The following CDYL variants were observed in gnomAD, a reference collection of about 807,000 sequenced individuals.
CDYL encodes the protein chromodomain Y like.
Under a neutral mutation model 47.3 loss-of-function variants are expected in CDYL, and 8 were observed. The ratio of observed to expected loss-of-function variants is 0.17; its 90% CI spans 0.10 to 0.31. The LOEUF (loss-of-function observed/expected upper bound fraction) is 0.31, where lower values mean the gene tolerates loss of function less well. Among genes scored for constraint, CDYL ranks in the 10% least tolerant of loss-of-function variants. The pLI is 1.00. For synonymous variants in CDYL, 266 were observed against 265.0 expected (o/e 1.00, Z -0.04); for missense variants, 471 against 701.4 (o/e 0.67, Z 3.71).
At chr6:4,846,082 T>C (rs955060625) in intron 1 of CDYL, among the ~76,000 whole-genome samples, 1 of 151,786 alleles carries the variant, frequency 6.6e-6, no homozygotes, top group African/African-American at 2.4e-5. Flanking sequence ...TTGATCTAAA[T>C]GAACAGTCAT....
intron 3 of CDYL, among the ~76,000 whole-genome samples, chr6:4,755,687 G>T (rs374782605): frequency 6.6e-6 from 1 of 151,970 alleles, no homozygotes; most frequent in Admixed American, 6.6e-5. Context: ...ATACTACAAC[G>T]GCTGCTTTAA....
rs137859922 is a variant in CDYL at position 4,809,146 on chromosome 6, G to A, written c.24+32339G>A. ...TTTGTGCAAATCAACAGATACATAT[G>A]TATTTTATTGCATTATCTTTCTTAA... On this transcript the variant is annotated intron_variant, in intron 1 of 6. Coordinates refer to ENST00000397588, the MANE Select transcript of CDYL (RefSeq NM_004824.4). 6.4e-4 allele frequency among the ~76,000 whole-genome samples: 98 copies of A among 152,190 alleles called. 1 individual carries two copies. The highest frequency in any genetic ancestry group is 2.3e-3 in the African/African-American group (95 of 41,506).
chr6:4,780,023 G>C (rs1447644325), intron 1 of CDYL, among the ~76,000 whole-genome samples: 1 of 152,130 alleles, frequency 6.6e-6, no homozygotes, highest in Non-Finnish European at 1.5e-5. Flanking sequence ...AAAATAGGCA[G>C]TGGGCTGGCT....
chr6:4,892,497 C>T (rs879119621), intron 2 of CDYL, 118 bp downstream of exon 2: 5 of 1,080,642 alleles, frequency 4.6e-6, no homozygotes, highest in South Asian at 3.3e-5. Context: ...TCTGCTGGAG[C>T]CTTGCAGAGA....
At chr6:4,786,245 T>C (rs1429790058) in intron 1 of CDYL, among the ~76,000 whole-genome samples, 2 of 152,236 alleles carry the variant, frequency 1.3e-5, no homozygotes, top group East Asian at 3.9e-4. Context: ...ATTAACCATG[T>C]AGTCCATACA....
At chr6:4,943,791 ATTCTAG>A in intron 5 of CDYL, 35 bp downstream of exon 5, 3 of 1,288,004 alleles carry the variant, frequency 2.3e-6, no homozygotes, top group African/African-American at 3.0e-5. Flanking sequence ...AAAAAAAGTC[ATTCTAG>A]AAAGCTTCCT....
At chr6:4,810,850 C>T (rs775645565) in intron 1 of CDYL, among the ~76,000 whole-genome samples, 1 of 152,146 alleles carries the variant, frequency 6.6e-6, no homozygotes, top group Non-Finnish European at 1.5e-5. Flanking sequence ...ATGTATGAGA[C>T]CTAGTTATTT....
chr6:4,724,889 G>C (rs762721182), intron 2 of CDYL: 2 of 152,168 alleles, frequency 1.3e-5, no homozygotes, highest in African/African-American at 2.4e-5. Context: ...GATTACCGCT[G>C]CTGGCTCGGG....
intron 1 of CDYL, among the ~76,000 whole-genome samples, chr6:4,848,342 G>A (rs1454109908): frequency 6.6e-6 from 1 of 152,158 alleles, no homozygotes; most frequent in Non-Finnish European, 1.5e-5. Flanking sequence ...AACTTTTATA[G>A]AAATTGGAGA....
At chr6:4,728,923 A>G (rs369726505) in intron 2 of CDYL, among the ~76,000 whole-genome samples, 1 of 152,048 alleles carries the variant, frequency 6.6e-6, no homozygotes, top group Non-Finnish European at 1.5e-5. Context: ...TTTAGTACAT[A>G]CCAGGGTGTA....
chr6:4,828,252 C>CTTTT (rs11324291), intron 1 of CDYL, among the ~76,000 whole-genome samples: 1 of 79,130 alleles, frequency 1.3e-5, no homozygotes, highest in Non-Finnish European at 2.5e-5. Context: ...TAACTTTCAG[C>CTTTT]TTTTTTTTTT....
At chr6:4,879,818 C>G (rs1051521828) in intron 1 of CDYL, among the ~76,000 whole-genome samples, 2 of 152,056 alleles carry the variant, frequency 1.3e-5, no homozygotes, top group Admixed American at 1.3e-4. Context: ...CCTCGGCCTC[C>G]GAAAGTACTG....
Position 4,900,804 on chromosome 6 carries a change from T to TAGATATAG in CDYL, c.691+8426_691+8427insGATATAGA, listed in dbSNP as rs1757017843. Among the ~76,000 whole-genome samples the TAGATATAG allele has an allele frequency of 1.5e-4, 13 of 87,904 alleles. 1 individual carries two copies. The highest frequency in any genetic ancestry group is 5.6e-4 in the African/African-American group (12 of 21,346). The allele number at this position is 87,904 out of a possible 152,430, so 57.7% of individuals were successfully genotyped here. On this transcript the variant is annotated intron_variant, in intron 2 of 6. Coordinates refer to ENST00000397588, the MANE Select transcript of CDYL (RefSeq NM_004824.4). ...GTATATATATATATATATATATATA[T>TAGATATAG]ATATATATATATATATATATATATA... is the stretch of plus-strand genomic sequence containing the variant.
intron 2 of CDYL, among the ~76,000 whole-genome samples, chr6:4,925,409 C>CTTTTTTTTTT (rs58457972): frequency 1.8e-4 from 20 of 109,240 alleles, no homozygotes; most frequent in Non-Finnish European, 2.4e-4. Context: ...ATTCTTTTTT[C>CTTTTTTTTTT]TTTTTTTTTT....
At chr6:4,940,277 A>C (rs13219839) in intron 4 of CDYL, among the ~76,000 whole-genome samples, 16,570 of 152,270 alleles carry the variant, frequency 0.11, 1,029 homozygotes, top group South Asian at 0.17. Flanking sequence ...TATTTTTGTC[A>C]ATGTGAATTT....
intron 3 of CDYL, among the ~76,000 whole-genome samples, chr6:4,746,190 C>T (rs1757893827): frequency 6.6e-6 from 1 of 151,818 alleles, no homozygotes; most frequent in African/African-American, 2.4e-5. Context: ...ATGGTGAAAC[C>T]CCATCTCTAC....
At chr6:4,711,352 C>G (rs1757150044) in intron 1 of CDYL, among the ~76,000 whole-genome samples, 1 of 152,210 alleles carries the variant, frequency 6.6e-6, no homozygotes, top group Non-Finnish European at 1.5e-5. Context: ...CTAGCAACCT[C>G]AAGGCTCTTC....
intron 2 of CDYL, among the ~76,000 whole-genome samples, chr6:4,719,971 G>A (rs780888499): frequency 2.0e-5 from 3 of 152,120 alleles, no homozygotes; most frequent in Admixed American, 6.5e-5. Flanking sequence ...ATTTCTCTCC[G>A]TAGTCCATTT....
At chr6:4,832,334 CAT>C (rs1367712029) in intron 1 of CDYL, among the ~76,000 whole-genome samples, 1 of 151,862 alleles carries the variant, frequency 6.6e-6, no homozygotes, top group Non-Finnish European at 1.5e-5. Context: ...TTGAGATAAT[CAT>C]GTGGTTTTTG....
Sources: allele counts gnomAD v4.1 joint callset (sites outside exome capture counted in the v4.1 genomes callset), GRCh38; gene constraint gnomAD v4.1.1; transcripts MANE v1.5; gene names NCBI Gene and HGNC (gene_info 2026-07-23, HGNC 2026-07-21).